The following MAPK4 variants were observed in gnomAD, a reference collection of about 807,000 sequenced individuals.
MAPK4 encodes mitogen-activated protein kinase 4, also known as Erk3-related.
In MAPK4, 22 loss-of-function variants were observed where a neutral mutation model predicts 47.7. The ratio of observed to expected loss-of-function variants is 0.46; its 90% CI spans 0.33 to 0.66. The LOEUF (loss-of-function observed/expected upper bound fraction) is 0.66, where lower values mean the gene tolerates loss of function less well. Ranked by LOEUF, MAPK4 falls within the 30% of genes least tolerant of loss-of-function variation. The pLI, the probability that MAPK4 is intolerant of heterozygous loss-of-function variation, is 0.02. For synonymous variants in MAPK4, 390 were observed against 365.7 expected, an observed-to-expected ratio of 1.07 and a Z score of -0.76; for missense variants, 736 against 831.7, an observed-to-expected ratio of 0.88 and a Z score of 1.42.
chr18:50,702,183 A>AG (rs61012406), intron 2 of MAPK4, among the ~76,000 whole-genome samples: 5 of 150,804 alleles, frequency 3.3e-5, no homozygotes, highest in African/African-American at 9.8e-5. Flanking sequence ...AAAAAAAAAA[A>AG]TCAACCATTC....
At chr18:50,602,712 G>A (rs1335289009) in intron 1 of MAPK4, among the ~76,000 whole-genome samples, 5 of 152,118 alleles carry the variant, frequency 3.3e-5, no homozygotes, top group Admixed American at 2.0e-4. Context: ...TTGGTGTGAC[G>A]AGTGATGTTC....
chr18:50,619,918 G>A lies in MAPK4; in HGVS notation c.-870-43171G>A, dbSNP rs147295502. 1.8e-3 allele frequency among the ~76,000 whole-genome samples: 267 copies of A among 152,356 alleles called. 2 individuals carry two copies. The highest frequency in any genetic ancestry group is 5.3e-3 in the African/African-American group (221 of 41,582). ...CATGTGGGTCCACAGGGAGGCTGGC[G>A]TAAGTAGAGATGCTGGACTGAGTTA... On this transcript the variant is annotated intron_variant, in intron 1 of 5. Coordinates refer to ENST00000400384, the MANE Select transcript of MAPK4 (RefSeq NM_002747.4).
At chr18:50,649,766 G>C (rs1434621003) in intron 1 of MAPK4, among the ~76,000 whole-genome samples, 1 of 152,178 alleles carries the variant, frequency 6.6e-6, no homozygotes, top group African/African-American at 2.4e-5. Context: ...ATCTTCCCCA[G>C]GCAGCCCCTG....
chr18:50,574,769 A>G (rs534609023), intron 1 of MAPK4, among the ~76,000 whole-genome samples: 6 of 152,372 alleles, frequency 3.9e-5, no homozygotes, highest in African/African-American at 1.4e-4. Context: ...CTATATAAAC[A>G]TCAGCATTTT....
intron 3 of MAPK4, among the ~76,000 whole-genome samples, chr18:50,720,576 G>T (rs1036406606): frequency 6.6e-6 from 1 of 151,996 alleles, no homozygotes; most frequent in Non-Finnish European, 1.5e-5. Flanking sequence ...CCCCACCCCC[G>T]CTGTGGTTGA....
chr18:50,630,737 C>T (rs1264589508), intron 1 of MAPK4, among the ~76,000 whole-genome samples: 2 of 152,230 alleles, frequency 1.3e-5, no homozygotes, highest in African/African-American at 2.4e-5. Context: ...CTAATATTCA[C>T]AGCCCTCCGC....
At chr18:50,680,788 T>G (rs1908544767) in intron 2 of MAPK4, among the ~76,000 whole-genome samples, 2 of 152,244 alleles carry the variant, frequency 1.3e-5, no homozygotes, top group South Asian at 4.1e-4. Context: ...CCAAGTACTA[T>G]TTCATTGTTT....
At chr18:50,625,297 A>G (rs1226187593) in intron 1 of MAPK4, among the ~76,000 whole-genome samples, 4 of 152,216 alleles carry the variant, frequency 2.6e-5, no homozygotes, top group Non-Finnish European at 2.9e-5. Context: ...CTTGGTGACC[A>G]GAATCTTGGG....
rs373957581 is a variant in MAPK4 at position 50,589,469 on chromosome 18, G to A, written c.-871+29226G>A. On this transcript the variant is annotated intron_variant, in intron 1 of 5. Transcript: ENST00000400384. ...AAATTAGCCGAGCGTGGTGGCGGGC[G>A]CCTGTAGTCCCAGCTACTCGGGAGG... Among the ~76,000 whole-genome samples, 12 of 152,080 alleles carry A rather than the reference G, an allele frequency of 7.9e-5. No homozygotes were observed. The East Asian group carries it at 2.1e-3, about 27-fold the overall frequency.
chr18:50,582,818 G>A (rs990560283), intron 1 of MAPK4, among the ~76,000 whole-genome samples: 8 of 152,268 alleles, frequency 5.3e-5, no homozygotes, highest in Non-Finnish European at 8.8e-5. Context: ...TGAGGGGAAC[G>A]CAGTGATGCC....
intron 1 of MAPK4, among the ~76,000 whole-genome samples, chr18:50,638,143 C>T (rs1022144799): frequency 2.0e-5 from 3 of 152,118 alleles, no homozygotes; most frequent in African/African-American, 7.2e-5. Flanking sequence ...TGATGAGATG[C>T]GATGCTAGGT....
chr18:50,632,939 C>T (rs4939996), intron 1 of MAPK4, among the ~76,000 whole-genome samples: 56,126 of 151,894 alleles, frequency 0.37, 10,683 homozygotes, highest in African/African-American at 0.45. Flanking sequence ...TTATATATAC[C>T]GCTGTGCTAA....
At position 50,685,870 on chromosome 18, in the gene MAPK4, G is replaced by A. The variant is rs547562539; in HGVS notation, c.546+21366G>A. Among the ~76,000 whole-genome samples, 148 of 152,210 alleles carry A rather than the reference G, an allele frequency of 9.7e-4. 2 individuals are homozygous for A. In the South Asian group the frequency reaches 0.03, roughly 30 times the overall value. On this transcript the variant is annotated intron_variant, in intron 2 of 5. Transcript: ENST00000400384. ...GCTCTCTGGAGCATGCTGTTTTCTCGGTGGCACTGATCTGCTGCCTTCACA... is the reference window on the plus strand; with the variant it reads ...GCTCTCTGGAGCATGCTGTTTTCTCAGTGGCACTGATCTGCTGCCTTCACA...
intron 2 of MAPK4, chr18:50,669,431 T>C (rs1893490): frequency 0.48 from 72,824 of 152,114 alleles, 17,704 homozygotes; most frequent in South Asian, 0.55. Context: ...GGTGAGAGTG[T>C]GTTGCTCCAG....
chr18:50,622,239 C>T (rs1044524757), intron 1 of MAPK4, among the ~76,000 whole-genome samples: 10 of 152,086 alleles, frequency 6.6e-5, no homozygotes, highest in African/African-American at 2.2e-4. Context: ...GCAGAGTCTG[C>T]GCCAAGATTA....
intron 2 of MAPK4, among the ~76,000 whole-genome samples, chr18:50,676,791 CAT>C (rs1908298988): frequency 6.6e-6 from 1 of 152,160 alleles, no homozygotes; most frequent in African/African-American, 2.4e-5. Context: ...TTTGCAATAA[CAT>C]AGACAATTTT....
At chr18:50,595,603 T>C (rs955752369) in intron 1 of MAPK4, among the ~76,000 whole-genome samples, 3 of 152,202 alleles carry the variant, frequency 2.0e-5, no homozygotes, top group Admixed American at 2.0e-4. Flanking sequence ...ATTCTATATC[T>C]TGATTGTGGT....
In MAPK4 at chr18:50,615,008, A is replaced by G. The variant is rs79672804; in HGVS notation, c.-870-48081A>G. On this transcript the variant is annotated intron_variant, in intron 1 of 5. Coordinates refer to ENST00000400384, the MANE Select transcript of MAPK4 (RefSeq NM_002747.4). Reference sequence around the variant, plus strand: ...GATGTTGGCGATGTCACAATCCCCAATCTTTCACAACATTTGGACACAGTA... The same window carrying G: ...GATGTTGGCGATGTCACAATCCCCAGTCTTTCACAACATTTGGACACAGTA... Among the ~76,000 whole-genome samples the G allele has an allele frequency of 7.2e-3, 1,100 of 152,288 alleles. 8 individuals carry two copies. The highest frequency in any genetic ancestry group is 0.025 in the African/African-American group (1,054 of 41,556).
At chr18:50,622,699 G>A (rs1375227042) in intron 1 of MAPK4, among the ~76,000 whole-genome samples, 4 of 152,220 alleles carry the variant, frequency 2.6e-5, no homozygotes, top group African/African-American at 4.8e-5. Context: ...TGACTTGGAC[G>A]CAGGCAGAAT....
Sources: allele counts gnomAD v4.1 joint callset (sites outside exome capture counted in the v4.1 genomes callset), GRCh38; gene constraint gnomAD v4.1.1; transcripts MANE v1.5; gene names NCBI Gene and HGNC (gene_info 2026-07-23, HGNC 2026-07-21).